PRKCSH: variants seen among roughly 807,000 people sequenced by gnomAD.
The protein encoded by PRKCSH is glucosidase 2 subunit beta.
Under a neutral mutation model 79.7 loss-of-function variants are expected in PRKCSH, and 42 were observed. The ratio of observed to expected loss-of-function variants is 0.53; its 90% confidence interval spans 0.41 to 0.68. The LOEUF (loss-of-function observed/expected upper bound fraction) is 0.68. PRKCSH is among the 30% of genes least tolerant of loss of function. PRKCSH has a pLI of 0.00. For missense variants in PRKCSH, 686 were observed against 709.0 expected (o/e 0.97, Z 0.37); for synonymous variants, 325 against 288.2 (o/e 1.13, Z -1.29).
chr19:11,435,890 C>G (rs1352251072), intron 1 of PRKCSH, 151 bp from the exon 2 acceptor site: 5 of 956,298 alleles, frequency 5.2e-6, no homozygotes, highest in South Asian at 4.7e-5. Flanking sequence ...TTGATTTGAG[C>G]AAAGTGAGAC....
At position 11,447,662 on chromosome 19, in the gene PRKCSH, G is replaced by A. The variant is rs764610659; in HGVS notation, c.1030-31G>A. 52 of 1,566,112 alleles carry A rather than the reference G, an allele frequency of 3.3e-5. No individual in the cohort carries two copies. Among genetic ancestry groups the A allele is most frequent in the Non-Finnish European group, 1.6e-5 (19 of 1,155,016 alleles). On this transcript the variant is annotated intron_variant, in intron 11 of 17. Coordinates refer to ENST00000677123, the MANE Select transcript of PRKCSH (RefSeq NM_001289104.2). This position sits in a 1 kb window ranked among gnomAD's most constrained non-coding sequence, Gnocchi z 5.6. ...AGTGGAGACAGAGAGGGTGGGGGAA[G>A]GGCTACTCACTGACCCTGCCCCTGC... is the stretch of plus-strand genomic sequence containing the variant.
rs1279886629 is a variant in PRKCSH, at chr19:11,449,242, G to C, written c.1462-24G>C. 4 of 1,613,610 alleles carry C rather than the reference G, an allele frequency of 2.5e-6. No homozygotes were observed. Among genetic ancestry groups the C allele is most frequent in the Non-Finnish European group, 3.4e-6 (4 of 1,179,940 alleles). On this transcript the variant is annotated intron_variant, in intron 16 of 17. Coordinates refer to ENST00000677123, the MANE Select transcript of PRKCSH (RefSeq NM_001289104.2). This position sits in a 1 kb window ranked among gnomAD's most constrained non-coding sequence, Gnocchi z 6.4. ...AGGCCTGGCCCAGCCGAACCCTCTC[G>C]AGCACCCGTCTGCCCATCCCCAGGT...
chr19:11,441,578 T>G (rs1254743464), intron 6 of PRKCSH, among the ~76,000 whole-genome samples: 1 of 152,148 alleles, frequency 6.6e-6, no homozygotes, highest in African/African-American at 2.4e-5. Context: ...TATCAGGGCC[T>G]CGGGCATCAG....
At position 11,449,569 on chromosome 19, in the gene PRKCSH, G is replaced by A. The variant is rs992076089; in HGVS notation, c.*16+141G>A. On this transcript the variant is annotated intron_variant, in intron 17 of 17. Transcript: ENST00000677123. The surrounding 1 kb of genome is among the most constrained non-coding windows in gnomAD (Gnocchi z 6.4). ...TTTTGTTTTGTTTTTTTGAGGTGGA[G>A]TCTCACTCTTTGGCCCAGGCTGGAG... 6 of 1,183,038 alleles carry A rather than the reference G, an allele frequency of 5.1e-6. No homozygotes were observed. Among genetic ancestry groups the A allele is most frequent in the East Asian group, 2.5e-5 (1 of 39,458 alleles). The allele number at this position is 1,183,038 out of a possible 1,614,324, so 73.3% of individuals were successfully genotyped here. A position where few individuals can be genotyped will look rare whatever the true frequency, so the allele number is the denominator to read the frequency against.
intron 3 of PRKCSH, among the ~76,000 whole-genome samples, chr19:11,436,904 C>T (rs1266264130): frequency 6.6e-6 from 1 of 152,198 alleles, no homozygotes; most frequent in South Asian, 2.1e-4. Flanking sequence ...GTTGCTGAGG[C>T]TGGAGTACAG....
intron 3 of PRKCSH, 41 bp from the exon 4 acceptor site, chr19:11,437,835 T>C: frequency 6.4e-7 from 1 of 1,556,496 alleles, no homozygotes; most frequent in Non-Finnish European, 8.9e-7. Context: ...TGTCTGTCCC[T>C]GAGCTGACTC....
Position 11,449,967 on chromosome 19 carries a change from CCTG to C in PRKCSH, c.*16+540_*16+542del, listed in dbSNP as rs918756042. 1 of 170,228 alleles carries C rather than the reference CCTG, an allele frequency of 5.9e-6. No individual in the cohort carries two copies. Among genetic ancestry groups the C allele is most frequent in the Admixed American group, 5.5e-5 (1 of 18,086 alleles). 10.5% of individuals were successfully genotyped at this position (170,228 alleles called of 1,614,324 possible). A position where few individuals can be genotyped will look rare whatever the true frequency, so the allele number is the denominator to read the frequency against. On this transcript the variant is annotated intron_variant, in intron 17 of 17. Coordinates refer to ENST00000677123, the MANE Select transcript of PRKCSH (RefSeq NM_001289104.2). The surrounding 1 kb of genome is among the most constrained non-coding windows in gnomAD (Gnocchi z 6.4). ...GCAAGCAATTCTCCTGCCTCAGCCT[CCTG>C]AGTAATTGGGACTACAGGCGCCGCC...
chr19:11,436,221 G>A, intron 2 of PRKCSH, 25 bp downstream of exon 2: 1 of 1,593,970 alleles, frequency 6.3e-7, no homozygotes, highest in Admixed American at 1.8e-5. Context: ...TCACCCTCCC[G>A]CCAGGCTGGA....
intron 2 of PRKCSH, 67 bp downstream of exon 2, chr19:11,436,263 T>C (rs1445551457): frequency 1.9e-6 from 3 of 1,595,038 alleles, no homozygotes; most frequent in African/African-American, 1.3e-5. Flanking sequence ...GCCTTAGGGA[T>C]AGGCATTTAC....
In PRKCSH at chr19:11,448,054, C is replaced by G. The variant is rs1281457902; in HGVS notation, c.1127-168C>G. The G allele has an allele frequency of 1.2e-6, 1 of 800,156 alleles. No homozygotes were observed. The allele number at this position is 800,156 out of a possible 1,614,324, so 49.6% of individuals were successfully genotyped here. A position where few individuals can be genotyped will look rare whatever the true frequency, so the allele number is the denominator to read the frequency against. Reference sequence around the variant, plus strand: ...GCTCAGGAGCTGGGAGCCTGGGCAGCAAGTCGGGGCTGCTCTATAGCTGGT... The same window carrying G: ...GCTCAGGAGCTGGGAGCCTGGGCAGGAAGTCGGGGCTGCTCTATAGCTGGT... On this transcript the variant is annotated intron_variant, in intron 12 of 17. Transcript: ENST00000677123. This position sits in a 1 kb window ranked among gnomAD's most constrained non-coding sequence, Gnocchi z 4.4.
Position 11,447,909 on chromosome 19 carries a change from G to A in PRKCSH, c.1126+120G>A, listed in dbSNP as rs887735062. The A allele has an allele frequency of 2.5e-6, 3 of 1,209,902 alleles. No homozygotes were observed. Among genetic ancestry groups the A allele is most frequent in the Non-Finnish European group, 2.3e-6 (2 of 881,172 alleles). 74.9% of individuals were successfully genotyped at this position (1,209,902 alleles called of 1,614,324 possible). A position where few individuals can be genotyped will look rare whatever the true frequency, so the allele number is the denominator to read the frequency against. ...TCTGACTCGGCCAGCACAAGCCCCA[G>A]TATCTTGGGGAGTCCAGGAAGGGGG... On this transcript the variant is annotated intron_variant, in intron 12 of 17. Transcript: ENST00000677123. This position sits in a 1 kb window ranked among gnomAD's most constrained non-coding sequence, Gnocchi z 5.6.
At chr19:11,444,948 T>C (rs1970225227) in intron 7 of PRKCSH, among the ~76,000 whole-genome samples, 1 of 152,092 alleles carries the variant, frequency 6.6e-6, no homozygotes, top group South Asian at 2.1e-4. Flanking sequence ...TCTGACCGTC[T>C]GCGCACTCCA....
chr19:11,444,626 G>A (rs1250192130), intron 7 of PRKCSH, among the ~76,000 whole-genome samples: 2 of 152,202 alleles, frequency 1.3e-5, no homozygotes, highest in Non-Finnish European at 2.9e-5. Context: ...TATACAGTAG[G>A]AAGTTAATCA....
Position 11,448,403 on chromosome 19 carries a change from T to TG in PRKCSH, c.1196+113dup. ...GCAACCACAGGCTGGGCCTGGTCCC[T>TG]GCAGGGAGGGTCCCTGGGAGGTGGC... On this transcript the variant is annotated intron_variant, in intron 13 of 17. Coordinates refer to ENST00000677123, the MANE Select transcript of PRKCSH (RefSeq NM_001289104.2). The surrounding 1 kb of genome is among the most constrained non-coding windows in gnomAD (Gnocchi z 4.4). 1 of 1,470,670 alleles carries TG rather than the reference T, an allele frequency of 6.8e-7. No homozygotes were observed. Among genetic ancestry groups the TG allele is most frequent in the East Asian group, 2.3e-5 (1 of 43,000 alleles). 91.1% of individuals were successfully genotyped at this position (1,470,670 alleles called of 1,614,324 possible). A position where few individuals can be genotyped will look rare whatever the true frequency, so the allele number is the denominator to read the frequency against.
At chr19:11,443,851 C>G (rs1437458556) in intron 7 of PRKCSH, among the ~76,000 whole-genome samples, 1 of 152,170 alleles carries the variant, frequency 6.6e-6, no homozygotes, top group Non-Finnish European at 1.5e-5. Context: ...TCTCTGCTCA[C>G]TGCAACCTCT....
intron 5 of PRKCSH, 92 bp downstream of exon 5, chr19:11,438,216 T>A: frequency 7.2e-7 from 1 of 1,391,034 alleles, no homozygotes; most frequent in South Asian, 1.2e-5. Context: ...CTTCTGCTTT[T>A]CTGTATCGGG....
chr19:11,445,739 A>G, intron 8 of PRKCSH: 1 of 545,900 alleles, frequency 1.8e-6, no homozygotes, highest in South Asian at 2.0e-5. Flanking sequence ...GCATCTAGTG[A>G]TCGGATGGCT....
chr19:11,437,328 G>A (rs549644672), intron 3 of PRKCSH, among the ~76,000 whole-genome samples: 2 of 150,928 alleles, frequency 1.3e-5, no homozygotes, highest in East Asian at 2.0e-4. Flanking sequence ...GTGAGCCACC[G>A]TACCTGGCCT....
In PRKCSH at chr19:11,448,772, G is replaced by A. The variant is rs1970446660; in HGVS notation, c.1287-142G>A. On this transcript the variant is annotated intron_variant, in intron 14 of 17. Transcript: ENST00000677123. The surrounding 1 kb of genome is among the most constrained non-coding windows in gnomAD (Gnocchi z 4.4). ...CTGCCTTCCATATTGAGGGGGAGCAGAAGCCAGGGGCCAGGTTTAGGGTTG... is the reference window on the plus strand; with the variant it reads ...CTGCCTTCCATATTGAGGGGGAGCAAAAGCCAGGGGCCAGGTTTAGGGTTG... 1 of 1,327,510 alleles carries A rather than the reference G, an allele frequency of 7.5e-7. No homozygotes were observed. Among genetic ancestry groups the A allele is most frequent in the Non-Finnish European group, 1.1e-6 (1 of 926,256 alleles). The allele number at this position is 1,327,510 out of a possible 1,614,324, so 82.2% of individuals were successfully genotyped here. A position where few individuals can be genotyped will look rare whatever the true frequency, so the allele number is the denominator to read the frequency against.
Sources: allele counts gnomAD v4.1 joint callset (sites outside exome capture counted in the v4.1 genomes callset), GRCh38; gene constraint gnomAD v4.1.1; non-coding constraint Gnocchi (gnomAD v3.1); transcripts MANE v1.5; gene names NCBI Gene and HGNC (gene_info 2026-07-23, HGNC 2026-07-21).